The following TEX2 variants were observed in gnomAD, a reference collection of about 807,000 sequenced individuals.
TEX2 encodes the protein testis-expressed protein 2.
TEX2 carries 53 observed loss-of-function variants against 106.9 expected under a neutral mutation model. That is an observed-to-expected ratio of 0.50 (90% CI 0.40 to 0.62). The LOEUF is 0.62. Among genes scored for constraint, TEX2 ranks in the 20% least tolerant of loss-of-function variants. The pLI is 0.00. For missense variants in TEX2, 1,207 were observed against 1,379.0 expected, an observed-to-expected ratio of 0.88 and a Z score of 1.98; for synonymous variants, 523 against 534.8, an observed-to-expected ratio of 0.98 and a Z score of 0.30.
chr17:64,167,601 C>T (rs1376089709), intron 7 of TEX2, among the ~76,000 whole-genome samples: 1 of 152,048 alleles, frequency 6.6e-6, no homozygotes, highest in African/African-American at 2.4e-5. Flanking sequence ...GGTGGATCAC[C>T]TGAGGTCAGG....
chr17:64,256,467 T>TC (rs2034186478), intron 1 of TEX2, among the ~76,000 whole-genome samples: 1 of 152,032 alleles, frequency 6.6e-6, no homozygotes, highest in South Asian at 2.1e-4. Context: ...CTTCCCATAT[T>TC]CCCCTCTCTG....
intron 1 of TEX2, among the ~76,000 whole-genome samples, chr17:64,234,684 C>T (rs1379303111): frequency 2.6e-5 from 4 of 151,990 alleles, no homozygotes; most frequent in Admixed American, 1.3e-4. Context: ...ATAAATGGGA[C>T]GGCACTTCAT....
intron 2 of TEX2, among the ~76,000 whole-genome samples, chr17:64,211,154 TTTC>T (rs1555631494): frequency 6.6e-6 from 1 of 152,064 alleles, no homozygotes; most frequent in Admixed American, 6.5e-5. Context: ...AGAGACAGGG[TTTC>T]ACCATGTTGG....
intron 8 of TEX2, among the ~76,000 whole-genome samples, chr17:64,160,129 G>T (rs2030816536): frequency 6.6e-6 from 1 of 152,182 alleles, no homozygotes. Flanking sequence ...TAAATTTATA[G>T]TCAAAGCAGT....
chr17:64,198,115 C>T (rs1555629609), intron 2 of TEX2, among the ~76,000 whole-genome samples: 1 of 151,776 alleles, frequency 6.6e-6, no homozygotes, highest in African/African-American at 2.4e-5. Context: ...AATTTCAATT[C>T]TTTTAAGCTT....
intron 6 of TEX2, among the ~76,000 whole-genome samples, chr17:64,172,680 C>T (rs1282178424): frequency 6.6e-6 from 1 of 152,204 alleles, no homozygotes; most frequent in African/African-American, 2.4e-5. Flanking sequence ...ACAGCTCCCA[C>T]TTCTGCTAGT....
chr17:64,202,340 A>T (rs2032695453), intron 2 of TEX2, among the ~76,000 whole-genome samples: 2 of 152,122 alleles, frequency 1.3e-5, no homozygotes, highest in Non-Finnish European at 2.9e-5. Context: ...GGCCTTAGGG[A>T]GGCTCAGGAC....
At chr17:64,259,892 A>G (rs1355739170) in intron 1 of TEX2, among the ~76,000 whole-genome samples, 3 of 152,250 alleles carry the variant, frequency 2.0e-5, no homozygotes, top group Non-Finnish European at 4.4e-5. Context: ...CTAAGACCCC[A>G]TACATTACAA....
chr17:64,187,270 G>T (rs1219103315), intron 5 of TEX2, among the ~76,000 whole-genome samples: 1 of 152,170 alleles, frequency 6.6e-6, no homozygotes, highest in Non-Finnish European at 1.5e-5. Flanking sequence ...GGGCATAGCC[G>T]AGGAGACTGA....
chr17:64,196,435 T>C (rs1317909114), intron 2 of TEX2, among the ~76,000 whole-genome samples: 1 of 151,990 alleles, frequency 6.6e-6, no homozygotes, highest in Non-Finnish European at 1.5e-5. Flanking sequence ...ATGAGCCAAT[T>C]ATATGGATTT....
At chr17:64,244,478 A>G (rs2143432477) in intron 1 of TEX2, among the ~76,000 whole-genome samples, 1 of 152,242 alleles carries the variant, frequency 6.6e-6, no homozygotes, top group African/African-American at 2.4e-5. Context: ...TTTCTCAGAA[A>G]TGCATTATTT....
intron 2 of TEX2, among the ~76,000 whole-genome samples, chr17:64,200,292 A>G (rs1338686844): frequency 6.6e-6 from 1 of 152,208 alleles, no homozygotes; most frequent in Non-Finnish European, 1.5e-5. Flanking sequence ...GGTCAGTTTC[A>G]GGTGCTGAGC....
chr17:64,170,412 G>A (rs531949533), intron 7 of TEX2, among the ~76,000 whole-genome samples: 2 of 152,252 alleles, frequency 1.3e-5, no homozygotes, highest in South Asian at 2.1e-4. Flanking sequence ...CCTGGCAAGC[G>A]GCTAGGGCTG....
intron 1 of TEX2, among the ~76,000 whole-genome samples, chr17:64,222,660 T>A (rs1419597628): frequency 3.9e-5 from 6 of 152,028 alleles, no homozygotes; most frequent in African/African-American, 1.4e-4. Context: ...TTTAAAAGAT[T>A]TCACTCTTCA....
At position 64,153,298 on chromosome 17, in the gene TEX2, T is replaced by A. The variant is rs949043540; in HGVS notation, c.2931-144A>T. 1.6e-5 allele frequency: 10 copies of A among 639,476 alleles called. No individual in the cohort carries two copies. Among genetic ancestry groups the A allele is most frequent in the Admixed American group, 2.8e-5 (1 of 36,104 alleles). 39.6% of individuals were successfully genotyped at this position (639,476 alleles called of 1,614,324 possible). On this transcript the variant is annotated intron_variant, in intron 9 of 11. Transcript: ENST00000584379. The surrounding 1 kb of genome is among the most constrained non-coding windows in gnomAD (Gnocchi z 4.1). ...TTCTGTGTTGGGGCGGGGGGCATCC[T>A]GTGCATTGCAGGGTGTTCAGCAGCA...
intron 1 of TEX2, among the ~76,000 whole-genome samples, chr17:64,253,647 G>A (rs536660926): frequency 3.9e-5 from 6 of 152,070 alleles, no homozygotes; most frequent in Non-Finnish European, 5.9e-5. Flanking sequence ...TCCAAGAGTC[G>A]TTTATAAGAT....
intron 8 of TEX2, chr17:64,155,955 C>G (rs963546845): frequency 6.6e-6 from 1 of 152,162 alleles, no homozygotes; most frequent in Non-Finnish European, 1.5e-5. Context: ...AGAGTAGTCT[C>G]TGAACACTAT....
intron 2 of TEX2, among the ~76,000 whole-genome samples, chr17:64,201,951 G>A (rs1467986582): frequency 3.9e-5 from 6 of 152,288 alleles, no homozygotes; most frequent in Non-Finnish European, 7.3e-5. Flanking sequence ...GAAGGCTAGC[G>A]AGCCCCTCAC....
chr17:64,154,060 C>T (rs2030492879), intron 9 of TEX2, among the ~76,000 whole-genome samples: 1 of 152,120 alleles, frequency 6.6e-6, no homozygotes, highest in African/African-American at 2.4e-5. Context: ...TTTTAAAATC[C>T]CCCACAGTTC....
Sources: gnomAD v4.1 joint callset for allele counts (sites outside exome capture counted in the v4.1 genomes callset) on GRCh38, gnomAD v4.1.1 for gene constraint, Gnocchi (gnomAD v3.1) non-coding constraint, MANE v1.5 for transcripts, NCBI Gene and HGNC (gene_info 2026-07-23, HGNC 2026-07-21) for gene names.